The following FOXP2 variants were observed in gnomAD, a reference collection of about 807,000 sequenced individuals.
FOXP2 encodes the protein forkhead box protein P2.
FOXP2 carries 12 observed loss-of-function variants against 115.8 expected under a neutral mutation model. That is an observed-to-expected ratio of 0.10 (90% CI 0.07 to 0.17). FOXP2 has a LOEUF of 0.17. FOXP2 is among the 10% of genes least tolerant of loss of function. The pLI is 1.00. For synonymous variants in FOXP2, 328 were observed against 297.7 expected, an observed-to-expected ratio of 1.10 and a Z score of -1.05; for missense variants, 629 against 843.5, an observed-to-expected ratio of 0.75 and a Z score of 3.15.
intron 1 of FOXP2, among the ~76,000 whole-genome samples, chr7:114,216,211 A>T (rs1794480613): frequency 6.6e-6 from 1 of 152,180 alleles, no homozygotes; most frequent in Non-Finnish European, 1.5e-5. Context: ...TCTTGATCAA[A>T]AGTCGCCTCA....
intron 16 of FOXP2, among the ~76,000 whole-genome samples, chr7:114,676,183 C>T (rs951925044): frequency 1.3e-5 from 2 of 151,132 alleles, no homozygotes; most frequent in Admixed American, 1.3e-4. Flanking sequence ...CCCGCCTCGG[C>T]CTCCCAAAGT....
chr7:114,261,828 G>A (rs1208850565), intron 1 of FOXP2, among the ~76,000 whole-genome samples: 1 of 152,074 alleles, frequency 6.6e-6, no homozygotes, highest in Admixed American at 6.6e-5. Flanking sequence ...GGAGGTCGAG[G>A]TGTTTGAATA....
chr7:114,624,386 G>A (rs1376214059), intron 3 of FOXP2, among the ~76,000 whole-genome samples: 2 of 151,840 alleles, frequency 1.3e-5, no homozygotes, highest in Non-Finnish European at 3.0e-5. Context: ...TTGGCAGACC[G>A]TGTTAACAAG....
intron 2 of FOXP2, among the ~76,000 whole-genome samples, chr7:114,517,069 T>G (rs1798382687): frequency 6.6e-6 from 1 of 152,060 alleles, no homozygotes; most frequent in Non-Finnish European, 1.5e-5. Context: ...GATACCTCAT[T>G]GTGGTTTTAT....
At chr7:114,433,160 A>G (rs1170885152) in intron 2 of FOXP2, among the ~76,000 whole-genome samples, 2 of 151,984 alleles carry the variant, frequency 1.3e-5, no homozygotes, top group African/African-American at 4.8e-5. Flanking sequence ...AGATTGTTTA[A>G]TGCATATGAA....
At chr7:114,594,935 A>G (rs1422483196) in intron 3 of FOXP2, among the ~76,000 whole-genome samples, 2 of 152,048 alleles carry the variant, frequency 1.3e-5, no homozygotes, top group African/African-American at 2.4e-5. Flanking sequence ...AGAAAGAGTC[A>G]GAACCAAGTA....
At chr7:114,229,729 G>A (rs76834224) in intron 1 of FOXP2, among the ~76,000 whole-genome samples, 14 of 151,378 alleles carry the variant, frequency 9.2e-5, no homozygotes, top group Non-Finnish European at 1.9e-4. Flanking sequence ...CAAGACTTAT[G>A]GAATGTCACA....
At chr7:114,180,050 G>A (rs774673670) in intron 1 of FOXP2, among the ~76,000 whole-genome samples, 3 of 151,968 alleles carry the variant, frequency 2.0e-5, no homozygotes, top group Non-Finnish European at 4.4e-5. Flanking sequence ...AGACCATGTA[G>A]TACATAACAG....
rs945804979 is a variant in FOXP2, at chr7:114,644,702, C to T, written c.1007C>T (p.Thr336Ile). Residue 336 changes from threonine (T) to isoleucine (I), a missense_variant, in exon 8 of 17, where the codon ACT becomes ATT. Physicochemically the swap from Thr to Ile is moderately conservative, Grantham distance 89. Transcript: ENST00000350908. ...ARRDSSSHEE[T>I]GASHTLYGHG... Reference sequence around the variant, plus strand: ...TGCTACAGCTCGTCACATGAGGAGACTGGGGCCTCTCACACTCTCTATGGC... The same window carrying T: ...TGCTACAGCTCGTCACATGAGGAGATTGGGGCCTCTCACACTCTCTATGGC... 7 of 1,613,704 alleles carry T rather than the reference C, an allele frequency of 4.3e-6. No individual in the cohort carries two copies. In the Admixed American group the frequency reaches 1.2e-4, roughly 27 times the overall value.
intron 2 of FOXP2, among the ~76,000 whole-genome samples, chr7:114,502,564 T>C (rs1797615594): frequency 6.6e-6 from 1 of 152,100 alleles, no homozygotes; most frequent in African/African-American, 2.4e-5. Context: ...TTGTTTATAT[T>C]GGCACAGATC....
intron 3 of FOXP2, among the ~76,000 whole-genome samples, chr7:114,591,340 A>G (rs917259558): frequency 3.3e-5 from 5 of 152,148 alleles, no homozygotes; most frequent in African/African-American, 1.2e-4. Flanking sequence ...TCATCTGTCT[A>G]AAATTCAGTA....
rs146892053 is a variant in FOXP2, at chr7:114,115,438, G to A, written c.-247+27600G>A. On this transcript the variant is annotated intron_variant, in intron 1 of 19. Coordinates refer to the FOXP2 transcript ENST00000635638. ...ACCAGAATCCTTAACATAGTGATCAGAGTTGTACAGTACATGGCTTCTCCC... is the reference window on the plus strand; with the variant it reads ...ACCAGAATCCTTAACATAGTGATCAAAGTTGTACAGTACATGGCTTCTCCC... Among the ~76,000 whole-genome samples the A allele has an allele frequency of 5.8e-3, 882 of 152,204 alleles. 3 individuals carry two copies. Among genetic ancestry groups the A allele is most frequent in the Middle Eastern group, 0.027 (8 of 294 alleles).
intron 3 of FOXP2, among the ~76,000 whole-genome samples, chr7:114,538,899 G>A (rs533760554): frequency 3.3e-5 from 5 of 151,792 alleles, no homozygotes; most frequent in Admixed American, 6.6e-5. Flanking sequence ...AAACCATTGC[G>A]CAAATATAAT....
intron 2 of FOXP2, among the ~76,000 whole-genome samples, chr7:114,322,866 T>G (rs1797460296): frequency 6.6e-6 from 1 of 152,184 alleles, no homozygotes. Context: ...TTATGTGTGT[T>G]TGCGTGTGAG....
intron 16 of FOXP2, among the ~76,000 whole-genome samples, chr7:114,670,915 T>C (rs532042228): frequency 3.0e-4 from 46 of 152,244 alleles, no homozygotes; most frequent in Non-Finnish European, 5.4e-4. Context: ...GCCTGTACTA[T>C]TTTTGCTGAT....
chr7:114,119,744 A>G (rs1415433094), intron 1 of FOXP2, among the ~76,000 whole-genome samples: 1 of 152,126 alleles, frequency 6.6e-6, no homozygotes, highest in Non-Finnish European at 1.5e-5. Context: ...CATCAATAGT[A>G]TTTTTGATTC....
chr7:114,540,245 C>T (rs370967095), intron 3 of FOXP2, among the ~76,000 whole-genome samples: 1 of 152,002 alleles, frequency 6.6e-6, no homozygotes, highest in African/African-American at 2.4e-5. Flanking sequence ...ACCACATATA[C>T]ACTTCACACT....
At chr7:114,522,663 A>C (rs902649378) in intron 2 of FOXP2, among the ~76,000 whole-genome samples, 5 of 152,184 alleles carry the variant, frequency 3.3e-5, no homozygotes, top group Non-Finnish European at 7.3e-5. Context: ...GACACCGTAA[A>C]ATTTACATGG....
intron 2 of FOXP2, among the ~76,000 whole-genome samples, chr7:114,479,877 C>T (rs1057295267): frequency 6.6e-6 from 1 of 151,446 alleles, no homozygotes; most frequent in African/African-American, 2.4e-5. Context: ...TAGTTGTTCA[C>T]ACTAGACATA....
Sources: gnomAD v4.1 joint callset for allele counts (sites outside exome capture counted in the v4.1 genomes callset) on GRCh38, gnomAD v4.1.1 for gene constraint, MANE v1.5 for transcripts, NCBI Gene and HGNC (gene_info 2026-07-23, HGNC 2026-07-21) for gene names.